The following AKAP6 variants were observed in gnomAD, a reference collection of about 807,000 sequenced individuals.
AKAP6 encodes A-kinase anchor protein 6.
In AKAP6, 58 loss-of-function variants were observed where a neutral mutation model predicts 188.5. The observed-to-expected ratio is 0.31, with a 90% CI of 0.25 to 0.38. AKAP6 has a LOEUF of 0.38. AKAP6 is among the 10% of genes least tolerant of loss of function. The pLI, the probability that AKAP6 is intolerant of heterozygous loss-of-function variation, is 1.00. For synonymous variants in AKAP6, 989 were observed against 998.6 expected, an observed-to-expected ratio of 0.99 and a Z score of 0.18; for missense variants, 2,710 against 2,740.0, an observed-to-expected ratio of 0.99 and a Z score of 0.24.
At chr14:32,483,457 T>C (rs80285041) in intron 2 of AKAP6, among the ~76,000 whole-genome samples, 1,577 of 152,216 alleles carry the variant, frequency 0.01, 10 homozygotes, top group Non-Finnish European at 0.016. Context: ...TTTTCTCTTA[T>C]AGGTTTTGTG....
intron 9 of AKAP6, among the ~76,000 whole-genome samples, chr14:32,725,008 A>AAAAC (rs1179683332): frequency 6.0e-5 from 9 of 150,052 alleles, no homozygotes; most frequent in African/African-American, 2.2e-4. Context: ...AAAAAAAAAA[A>AAAAC]AAAAAAAAAC....
chr14:32,803,968 A>G (rs2140097363), intron 12 of AKAP6, among the ~76,000 whole-genome samples: 1 of 152,242 alleles, frequency 6.6e-6, no homozygotes, highest in South Asian at 2.1e-4. Context: ...CTAGTCCGTT[A>G]ATGGGTCTGA....
At chr14:32,555,072 C>A (rs1883631594) in intron 4 of AKAP6, among the ~76,000 whole-genome samples, 1 of 152,208 alleles carries the variant, frequency 6.6e-6, no homozygotes, top group South Asian at 2.1e-4. Context: ...CATCTATAAT[C>A]TAATTTAACA....
intron 11 of AKAP6, among the ~76,000 whole-genome samples, chr14:32,749,022 C>G (rs2032023148): frequency 6.6e-6 from 1 of 152,098 alleles, no homozygotes; most frequent in Non-Finnish European, 1.5e-5. Flanking sequence ...TTTTAATGAC[C>G]ATATTGAATT....
chr14:32,582,548 T>G (rs1885025451), intron 5 of AKAP6, among the ~76,000 whole-genome samples: 1 of 152,180 alleles, frequency 6.6e-6, no homozygotes, highest in African/African-American at 2.4e-5. Context: ...CTTGCTAGAC[T>G]GGGGAAGTTC....
chr14:32,455,587 A>G (rs1416086702), intron 2 of AKAP6, among the ~76,000 whole-genome samples: 1 of 152,252 alleles, frequency 6.6e-6, no homozygotes, highest in South Asian at 2.1e-4. Flanking sequence ...GTCATCAAGC[A>G]TAATTTACTC....
At chr14:32,686,997 C>G (rs1367005601) in intron 8 of AKAP6, among the ~76,000 whole-genome samples, 1 of 152,052 alleles carries the variant, frequency 6.6e-6, no homozygotes, top group Admixed American at 6.6e-5. Flanking sequence ...AAATTTTCTT[C>G]CCAAATAGAA....
At chr14:32,478,228 T>TCA (rs147601581) in intron 2 of AKAP6, among the ~76,000 whole-genome samples, 39 of 151,570 alleles carry the variant, frequency 2.6e-4, no homozygotes, top group East Asian at 7.8e-4. Context: ...TGCCAAGAAG[T>TCA]CACACACACA....
intron 4 of AKAP6, among the ~76,000 whole-genome samples, chr14:32,560,512 G>A (rs927912061): frequency 3.3e-5 from 5 of 151,996 alleles, no homozygotes; most frequent in Non-Finnish European, 4.4e-5. Flanking sequence ...CAATATATAC[G>A]GAAGATGATC....
chr14:32,570,315 T>C, intron 4 of AKAP6, among the ~76,000 whole-genome samples: 1 of 147,474 alleles, frequency 6.8e-6, no homozygotes, highest in Admixed American at 6.8e-5. Context: ...ATTTTTTCTT[T>C]TTTTTTTTAG....
At chr14:32,709,100 A>G (rs1399179290) in intron 9 of AKAP6, among the ~76,000 whole-genome samples, 1 of 152,044 alleles carries the variant, frequency 6.6e-6, no homozygotes, top group Admixed American at 6.6e-5. Flanking sequence ...AGTTTTGATG[A>G]TAGTTTCACT....
rs1887335671 is a variant in AKAP6, at chr14:32,352,850, A to G, written c.-35+23442A>G. On this transcript the variant is annotated intron_variant, in intron 1 of 13. Coordinates refer to ENST00000280979, the MANE Select transcript of AKAP6 (RefSeq NM_004274.5). ...TATCTTGGCTATTGTGAATAGTGAC[A>G]CAATAAACGTGGGAGTGCAGATGTC... is the stretch of plus-strand genomic sequence containing the variant. Among the ~76,000 whole-genome samples the G allele has an allele frequency of 2.0e-5, 3 of 152,204 alleles. No homozygotes were observed. The South Asian group carries it at 6.2e-4, about 31-fold the overall frequency.
intron 1 of AKAP6, among the ~76,000 whole-genome samples, chr14:32,367,188 G>A (rs1223930730): frequency 6.6e-6 from 1 of 152,118 alleles, no homozygotes; most frequent in Non-Finnish European, 1.5e-5. Flanking sequence ...TTTCTTTCTT[G>A]CTCCACTAAG....
At chr14:32,431,759 C>G (rs1212745018) in intron 1 of AKAP6, among the ~76,000 whole-genome samples, 2 of 152,244 alleles carry the variant, frequency 1.3e-5, no homozygotes, top group African/African-American at 2.4e-5. Context: ...GGTGATCTGC[C>G]TGCCTCGGCC....
At chr14:32,756,935 G>C (rs770369789) in intron 11 of AKAP6, among the ~76,000 whole-genome samples, 6 of 152,126 alleles carry the variant, frequency 3.9e-5, no homozygotes, top group Non-Finnish European at 8.8e-5. Context: ...CTGACAGTGG[G>C]GGAGGCTTGG....
At chr14:32,339,838 C>A (rs1482942895) in intron 1 of AKAP6, among the ~76,000 whole-genome samples, 1 of 152,082 alleles carries the variant, frequency 6.6e-6, no homozygotes, top group Non-Finnish European at 1.5e-5. Flanking sequence ...ATTAAGAGAG[C>A]CTAATTCTAT....
At chr14:32,656,546 A>G (rs1378798791) in intron 7 of AKAP6, among the ~76,000 whole-genome samples, 1 of 152,192 alleles carries the variant, frequency 6.6e-6, no homozygotes, top group South Asian at 2.1e-4. Flanking sequence ...GGGAATCTGC[A>G]TTTTAGTGAA....
At chr14:32,360,133 C>CT (rs35632131) in intron 1 of AKAP6, among the ~76,000 whole-genome samples, 52 of 128,944 alleles carry the variant, frequency 4.0e-4, no homozygotes, top group East Asian at 2.4e-3. Context: ...TTTCTTTTTT[C>CT]TTTTTTTTTT....
At chr14:32,480,816 T>G (rs1173526178) in intron 2 of AKAP6, among the ~76,000 whole-genome samples, 1 of 152,134 alleles carries the variant, frequency 6.6e-6, no homozygotes, top group Non-Finnish European at 1.5e-5. Flanking sequence ...CTGAAGATCC[T>G]ACTGGTCCAG....
Sources: gnomAD v4.1 joint callset for allele counts (sites outside exome capture counted in the v4.1 genomes callset) on GRCh38, gnomAD v4.1.1 for gene constraint, MANE v1.5 for transcripts, NCBI Gene and HGNC (gene_info 2026-07-23, HGNC 2026-07-21) for gene names.